CDKAL1: variants seen among roughly 807,000 people sequenced by gnomAD.
CDKAL1 encodes the protein CDKAL1 threonylcarbamoyladenosine tRNA methylthiotransferase, also known as threonylcarbamoyladenosine tRNA methylthiotransferase.
Under a neutral mutation model 68.2 loss-of-function variants are expected in CDKAL1, and 32 were observed. That is an observed-to-expected ratio of 0.47 (90% confidence interval 0.35 to 0.63). The LOEUF is 0.63. Among genes scored for constraint, CDKAL1 ranks in the 30% least tolerant of loss-of-function variants. CDKAL1 has a pLI of 0.00. For missense variants in CDKAL1, 606 were observed against 696.7 expected, an observed-to-expected ratio of 0.87 and a Z score of 1.47; for synonymous variants, 234 against 244.3, an observed-to-expected ratio of 0.96 and a Z score of 0.39.
chr6:20,626,890 TTA>T (rs1465703863), intron 4 of CDKAL1, among the ~76,000 whole-genome samples: 2 of 152,132 alleles, frequency 1.3e-5, no homozygotes, highest in Non-Finnish European at 2.9e-5. Context: ...CCCTTAAGTC[TTA>T]TGGCCAGACT....
At chr6:20,816,130 CGCCTT>C (rs1355522011) in intron 8 of CDKAL1, among the ~76,000 whole-genome samples, 2 of 140,274 alleles carry the variant, frequency 1.4e-5, no homozygotes, top group African/African-American at 2.6e-5. Flanking sequence ...TCCCCCCCCC[CGCCTT>C]TTTTTTTTAA....
intron 12 of CDKAL1, among the ~76,000 whole-genome samples, chr6:21,073,290 G>A (rs970839037): frequency 1.3e-5 from 2 of 152,130 alleles, no homozygotes; most frequent in Non-Finnish European, 2.9e-5. Flanking sequence ...AAACATCCAC[G>A]TGCAGGTTTT....
intron 13 of CDKAL1, among the ~76,000 whole-genome samples, chr6:21,123,123 CTAA>C (rs1359039836): frequency 2.6e-5 from 4 of 152,088 alleles, no homozygotes; most frequent in Admixed American, 6.6e-5. Context: ...GGTTTTCTGG[CTAA>C]TATTATTTTC....
At chr6:20,915,030 A>AT (rs1404733113) in intron 9 of CDKAL1, among the ~76,000 whole-genome samples, 1 of 152,144 alleles carries the variant, frequency 6.6e-6, no homozygotes, top group Non-Finnish European at 1.5e-5. Flanking sequence ...TTAAAATAAG[A>AT]TGTTCTTATA....
intron 5 of CDKAL1, among the ~76,000 whole-genome samples, chr6:20,695,226 C>T (rs1771056776): frequency 6.6e-6 from 1 of 152,132 alleles, no homozygotes; most frequent in Non-Finnish European, 1.5e-5. Flanking sequence ...ACTGGATTTT[C>T]TCATGCTTCT....
chr6:20,907,336 C>T lies in CDKAL1; in HGVS notation c.743-48083C>T, dbSNP rs549020322. Among the ~76,000 whole-genome samples the T allele has an allele frequency of 1.2e-4, 19 of 152,208 alleles. No individual in the cohort carries two copies. In the East Asian group the frequency reaches 2.9e-3, roughly 23 times the overall value. ...ACTTGGGAGACTGAGGCAGGAGAATCGCTTGAGCCCAGGAGGTAGAGGCTG... is the reference window on the plus strand; with the variant it reads ...ACTTGGGAGACTGAGGCAGGAGAATTGCTTGAGCCCAGGAGGTAGAGGCTG... On this transcript the variant is annotated intron_variant, in intron 9 of 15. Transcript: ENST00000274695.
At chr6:20,674,384 T>C (rs1490777282) in intron 5 of CDKAL1, among the ~76,000 whole-genome samples, 1 of 152,256 alleles carries the variant, frequency 6.6e-6, no homozygotes, top group Non-Finnish European at 1.5e-5. Flanking sequence ...TTTTGCACTA[T>C]ATCTATTTTG....
intron 11 of CDKAL1, among the ~76,000 whole-genome samples, chr6:21,041,387 G>A (rs1263834116): frequency 6.6e-6 from 1 of 152,122 alleles, no homozygotes; most frequent in Non-Finnish European, 1.5e-5. Context: ...TAACTAGTAT[G>A]GAATCTCATG....
intron 9 of CDKAL1, among the ~76,000 whole-genome samples, chr6:20,863,134 A>G (rs1037991586): frequency 6.6e-6 from 1 of 152,170 alleles, no homozygotes; most frequent in African/African-American, 2.4e-5. Flanking sequence ...TGGGTCTTGT[A>G]TGGGGCCTGA....
At chr6:20,710,717 A>G (rs1352379393) in intron 5 of CDKAL1, among the ~76,000 whole-genome samples, 1 of 152,236 alleles carries the variant, frequency 6.6e-6, no homozygotes, top group South Asian at 2.1e-4. Flanking sequence ...TACAGAGTCA[A>G]TATAAAAGGT....
rs71530401 is a variant in CDKAL1 at position 20,992,031 on chromosome 6, C to CTTTTTTTTTTTTTTTTTTTT, written c.910-8193_910-8174dup. Among the ~76,000 whole-genome samples, 11 of 100,464 alleles carry CTTTTTTTTTTTTTTTTTTTT rather than the reference C, an allele frequency of 1.1e-4. 1 individual carries two copies. Among genetic ancestry groups the CTTTTTTTTTTTTTTTTTTTT allele is most frequent in the African/African-American group, 3.4e-4 (8 of 23,546 alleles). 65.9% of individuals were successfully genotyped at this position (100,464 alleles called of 152,430 possible). ...TTTCCCCCACCTTTTTTTTTCTTTT[C>CTTTTTTTTTTTTTTTTTTTT]TTTTTTTTTTTTTTTTTTTTTTGAG... On this transcript the variant is annotated intron_variant, in intron 10 of 15. Transcript: ENST00000274695.
At chr6:20,714,419 C>T (rs1214335553) in intron 5 of CDKAL1, among the ~76,000 whole-genome samples, 20 of 111,318 alleles carry the variant, frequency 1.8e-4, no homozygotes, top group Non-Finnish European at 3.2e-4. Flanking sequence ...GACAGAATCT[C>T]ACTCTGTCAC....
chr6:20,990,317 A>G (rs1264789018), intron 10 of CDKAL1, among the ~76,000 whole-genome samples: 1 of 152,226 alleles, frequency 6.6e-6, no homozygotes, highest in Admixed American at 6.5e-5. Flanking sequence ...GTGTGTAATT[A>G]TAACTGTTAG....
chr6:21,090,826 CAG>C (rs1291268348), intron 12 of CDKAL1, among the ~76,000 whole-genome samples: 3 of 122,054 alleles, frequency 2.5e-5, no homozygotes, highest in Non-Finnish European at 4.9e-5. Context: ...TTTTTTGAGA[CAG>C]AGTCTCACTC....
intron 5 of CDKAL1, among the ~76,000 whole-genome samples, chr6:20,653,618 ATT>A (rs140223481): frequency 2.9e-5 from 4 of 138,394 alleles, no homozygotes; most frequent in Non-Finnish European, 6.2e-5. Context: ...CACCCGGCTA[ATT>A]TTTTTTTTTT....
chr6:21,143,341 A>G (rs1472939018), intron 13 of CDKAL1, among the ~76,000 whole-genome samples: 2 of 152,084 alleles, frequency 1.3e-5, no homozygotes, highest in Middle Eastern at 3.4e-3. Context: ...TTTCTTTTCC[A>G]TGTAAGTGTT....
chr6:20,995,254 C>A (rs1415873097), intron 10 of CDKAL1, among the ~76,000 whole-genome samples: 1 of 152,158 alleles, frequency 6.6e-6, no homozygotes, highest in Non-Finnish European at 1.5e-5. Context: ...TTCCAAACTC[C>A]TGTTTATATT....
At chr6:21,144,500 G>A (rs1180858814) in intron 13 of CDKAL1, among the ~76,000 whole-genome samples, 1 of 152,120 alleles carries the variant, frequency 6.6e-6, no homozygotes, top group East Asian at 1.9e-4. Context: ...AAAAACTGAA[G>A]ATAGGCCAGG....
intron 9 of CDKAL1, among the ~76,000 whole-genome samples, chr6:20,940,668 G>A (rs939246486): frequency 1.3e-5 from 2 of 152,140 alleles, no homozygotes; most frequent in African/African-American, 2.4e-5. Flanking sequence ...CATGCAAGTA[G>A]CTAGGACTAC....
Sources: allele counts gnomAD v4.1 joint callset (sites outside exome capture counted in the v4.1 genomes callset), GRCh38; gene constraint gnomAD v4.1.1; transcripts MANE v1.5; gene names NCBI Gene and HGNC (gene_info 2026-07-23, HGNC 2026-07-21).